The following PALLD variants were observed in gnomAD, a reference collection of about 807,000 sequenced individuals.
PALLD encodes the protein palladin.
Under a neutral mutation model 123.5 loss-of-function variants are expected in PALLD, and 61 were observed. The observed-to-expected ratio is 0.49, with a 90% CI of 0.40 to 0.61. The LOEUF (loss-of-function observed/expected upper bound fraction) is 0.61, where lower values mean the gene tolerates loss of function less well. Among genes scored for constraint, PALLD ranks in the 20% least tolerant of loss-of-function variants. The pLI is 0.00. For missense variants in PALLD, 1,273 were observed against 1,377.0 expected (o/e 0.92, Z 1.20); for synonymous variants, 465 against 496.4 (o/e 0.94, Z 0.84).
At chr4:168,892,907 G>A (rs892138780) in intron 11 of PALLD, among the ~76,000 whole-genome samples, 1 of 152,126 alleles carries the variant, frequency 6.6e-6, no homozygotes, top group African/African-American at 2.4e-5. Flanking sequence ...ATCCACACTT[G>A]AGAGCTTAAA....
intron 10 of PALLD, among the ~76,000 whole-genome samples, chr4:168,865,337 C>T (rs1750111040): frequency 6.6e-6 from 1 of 152,222 alleles, no homozygotes; most frequent in Non-Finnish European, 1.5e-5. Context: ...TTTTCAAGAA[C>T]TTTCTCCTTC....
At chr4:168,791,874 G>A (rs1202531848) in intron 10 of PALLD, among the ~76,000 whole-genome samples, 1 of 151,918 alleles carries the variant, frequency 6.6e-6, no homozygotes, top group Non-Finnish European at 1.5e-5. Context: ...CTCCAAATAA[G>A]TACTTCTTTT....
intron 2 of PALLD, among the ~76,000 whole-genome samples, chr4:168,651,767 T>C (rs1347781004): frequency 6.6e-6 from 1 of 152,070 alleles, no homozygotes; most frequent in Non-Finnish European, 1.5e-5. Flanking sequence ...CTCAGTGACA[T>C]GAGAGTAAAG....
At chr4:168,687,992 G>T (rs1031721198) in intron 6 of PALLD, among the ~76,000 whole-genome samples, 1 of 152,176 alleles carries the variant, frequency 6.6e-6, no homozygotes, top group Non-Finnish European at 1.5e-5. Context: ...TCCACTTTCT[G>T]TGTCTGGACC....
At chr4:168,620,650 C>A (rs1156354191) in intron 2 of PALLD, among the ~76,000 whole-genome samples, 3 of 152,106 alleles carry the variant, frequency 2.0e-5, no homozygotes, top group Non-Finnish European at 1.5e-5. Flanking sequence ...AGCCAGGGGA[C>A]AAAACACATG....
intron 8 of PALLD, among the ~76,000 whole-genome samples, chr4:168,705,805 T>C (rs1470896592): frequency 6.6e-6 from 1 of 151,974 alleles, no homozygotes; most frequent in Non-Finnish European, 1.5e-5. Flanking sequence ...CCTGGCTAAT[T>C]TTTTTGTGTG....
chr4:168,834,521 G>A (rs887969541), intron 10 of PALLD, among the ~76,000 whole-genome samples: 1 of 152,086 alleles, frequency 6.6e-6, no homozygotes, highest in Non-Finnish European at 1.5e-5. Context: ...GGCAGATCAC[G>A]AGGTCAGGAG....
intron 6 of PALLD, among the ~76,000 whole-genome samples, chr4:168,686,131 G>T (rs1253600845): frequency 6.6e-6 from 1 of 152,048 alleles, no homozygotes; most frequent in East Asian, 1.9e-4. Context: ...ACCGTATAAA[G>T]CCATGACTCC....
At chr4:168,566,614 G>C (rs753403116) in intron 2 of PALLD, among the ~76,000 whole-genome samples, 1 of 152,158 alleles carries the variant, frequency 6.6e-6, no homozygotes, top group Middle Eastern at 3.4e-3. Context: ...ACATATTTAT[G>C]TCATGGAAAT....
intron 17 of PALLD, among the ~76,000 whole-genome samples, chr4:168,916,438 G>A (rs7693134): frequency 0.55 from 83,168 of 151,830 alleles, 25,847 homozygotes; most frequent in East Asian, 0.89. Context: ...AGCTTAAGGG[G>A]GGGAAAAAGT....
intron 2 of PALLD, among the ~76,000 whole-genome samples, chr4:168,513,743 C>G (rs1762741727): frequency 6.6e-6 from 1 of 152,030 alleles, no homozygotes; most frequent in East Asian, 1.9e-4. Context: ...AATGAATATT[C>G]ATTTATCTGG....
chr4:168,580,241 T>G (rs1051905289), intron 2 of PALLD, among the ~76,000 whole-genome samples: 26 of 93,514 alleles, frequency 2.8e-4, no homozygotes, highest in South Asian at 4.1e-4. Flanking sequence ...TTCACTGTGG[T>G]GTGTGTGTGT....
chr4:168,921,452 G>C, intron 17 of PALLD, 82 bp from the exon 18 acceptor site: 1 of 925,038 alleles, frequency 1.1e-6, no homozygotes, highest in Non-Finnish European at 1.7e-6. Context: ...ACTGAAGGAG[G>C]AATTTATGCA....
At chr4:168,626,754 A>C (rs553266194) in intron 2 of PALLD, among the ~76,000 whole-genome samples, 1 of 152,118 alleles carries the variant, frequency 6.6e-6, no homozygotes, top group Admixed American at 6.6e-5. Context: ...ATAGACATAC[A>C]ATGGAATATT....
Position 168,783,044 on chromosome 4 carries a change from ATATGTGTGTGTGTG to A in PALLD, c.1964+71123_1964+71136del, listed in dbSNP as rs778234043. On this transcript the variant is annotated intron_variant, in intron 10 of 21. Coordinates refer to ENST00000505667, the MANE Select transcript of PALLD (RefSeq NM_001166108.2). ...ATTTCTACTCACAAATTTTATATAT[ATATGTGTGTGTGTG>A]TGTGTGTGTGTGTGTGTGTGTGTGT... Among the ~76,000 whole-genome samples the A allele has an allele frequency of 1.0e-3, 84 of 82,296 alleles. No individual in the cohort carries two copies. In the Middle Eastern group the frequency reaches 0.031, roughly 31 times the overall value. The allele number at this position is 82,296 out of a possible 152,430, so 54.0% of individuals were successfully genotyped here. A position where few individuals can be genotyped will look rare whatever the true frequency, so the allele number is the denominator to read the frequency against.
At position 168,878,171 on chromosome 4, in the gene PALLD, C is replaced by T. The variant is rs1488322352; in HGVS notation, c.1965-12751C>T. 1.3e-6 allele frequency: 2 copies of T among 1,499,780 alleles called. No individual in the cohort carries two copies. Among genetic ancestry groups the T allele is most frequent in the East Asian group, 5.5e-5 (2 of 36,632 alleles). 92.9% of individuals were successfully genotyped at this position (1,499,780 alleles called of 1,614,324 possible). ...GCCGTCGCCCCCGCCCCCGCCACCC[C>T]CGGTCTTCAGCCCCACGGCTGCCTT... On this transcript the variant is annotated intron_variant, in intron 10 of 21. Transcript: ENST00000505667.
intron 10 of PALLD, among the ~76,000 whole-genome samples, chr4:168,732,724 A>T (rs1787303086): frequency 6.6e-6 from 1 of 152,222 alleles, no homozygotes; most frequent in Non-Finnish European, 1.5e-5. Flanking sequence ...CTACCCAAAG[A>T]CAAAAATGTT....
At chr4:168,523,923 G>T (rs553475038) in intron 2 of PALLD, among the ~76,000 whole-genome samples, 1 of 152,056 alleles carries the variant, frequency 6.6e-6, no homozygotes, top group Non-Finnish European at 1.5e-5. Context: ...GAACCCTCAC[G>T]AAAGTTATTG....
chr4:168,827,618 G>A (rs568876843), intron 10 of PALLD, among the ~76,000 whole-genome samples: 21 of 152,286 alleles, frequency 1.4e-4, no homozygotes, highest in South Asian at 6.2e-4. Flanking sequence ...TATTTCCTTA[G>A]TCTTGTTCTT....
Sources: allele counts gnomAD v4.1 joint callset (sites outside exome capture counted in the v4.1 genomes callset), GRCh38; gene constraint gnomAD v4.1.1; transcripts MANE v1.5; gene names NCBI Gene and HGNC (gene_info 2026-07-23, HGNC 2026-07-21).